Variants in DLGAP4 observed in about 807,000 individuals in gnomAD.
DLGAP4 encodes the protein DLG associated protein 4.
In DLGAP4, 18 loss-of-function variants were observed where a neutral mutation model predicts 86.9. The ratio of observed to expected loss-of-function variants is 0.21; its 90% CI spans 0.14 to 0.31. The LOEUF is 0.31. Ranked by LOEUF, DLGAP4 falls within the 10% of genes least tolerant of loss-of-function variation. The pLI is 1.00. For synonymous variants in DLGAP4, 548 were observed against 574.3 expected (o/e 0.95, Z 0.65); for missense variants, 1,085 against 1,362.6 (o/e 0.80, Z 3.21).
intron 7 of DLGAP4, among the ~76,000 whole-genome samples, chr20:36,457,752 T>G (rs955865857): frequency 6.6e-6 from 1 of 151,778 alleles, no homozygotes; most frequent in Non-Finnish European, 1.5e-5. Context: ...CCTGACCTCA[T>G]GATCCGCACA....
intron 1 of DLGAP4, among the ~76,000 whole-genome samples, chr20:36,355,687 T>C (rs1188001203): frequency 1.3e-5 from 2 of 152,260 alleles, no homozygotes; most frequent in African/African-American, 4.8e-5. Flanking sequence ...TTATGGACAT[T>C]CCACATTTTG....
chr20:36,453,415 C>A (rs1314801904), intron 7 of DLGAP4, among the ~76,000 whole-genome samples: 1 of 152,022 alleles, frequency 6.6e-6, no homozygotes, highest in Non-Finnish European at 1.5e-5. Context: ...TTTGGGAGAC[C>A]AAGGTGGGAG....
chr20:36,410,901 C>G (rs553690795), intron 2 of DLGAP4, among the ~76,000 whole-genome samples: 12 of 152,324 alleles, frequency 7.9e-5, no homozygotes, highest in Admixed American at 1.3e-4. Flanking sequence ...GGTTGTGCAG[C>G]CTTCATTGGC....
Position 36,528,126 on chromosome 20 carries a change from G to C in DLGAP4, c.*1095G>C, listed in dbSNP as rs1020242345. 1 of 151,860 alleles carries C rather than the reference G, an allele frequency of 6.6e-6. No individual in the cohort carries two copies. The highest frequency in any genetic ancestry group is 1.5e-5 in the Non-Finnish European group (1 of 67,900). 9.4% of individuals were successfully genotyped at this position (151,860 alleles called of 1,614,324 possible). A position where few individuals can be genotyped will look rare whatever the true frequency, so the allele number is the denominator to read the frequency against. On this transcript the variant is annotated 3_prime_UTR_variant, in exon 13 of 13. Transcript: ENST00000339266. Reference sequence around the variant, plus strand: ...GTGTGTAAAAATATATACCTTGTGTGTAAGCAGCCCTTTTTTTTTTTGGTC... The same window carrying C: ...GTGTGTAAAAATATATACCTTGTGTCTAAGCAGCCCTTTTTTTTTTTGGTC...
intron 7 of DLGAP4, among the ~76,000 whole-genome samples, chr20:36,476,773 T>C (rs1448096633): frequency 7.5e-6 from 1 of 133,182 alleles, no homozygotes; most frequent in Non-Finnish European, 1.6e-5. Context: ...AATGGCACAA[T>C]CTTGGCTCAC....
chr20:36,330,555 G>T (rs1320612755), intron 1 of DLGAP4, among the ~76,000 whole-genome samples: 7 of 118,870 alleles, frequency 5.9e-5, no homozygotes, highest in Admixed American at 4.6e-4. Context: ...AGTGACTTTT[G>T]GGATTTTTTT....
At position 36,377,824 on chromosome 20, in the gene DLGAP4, C is replaced by G. The variant is rs544572917; in HGVS notation, c.-73+10549C>G. 5.9e-5 allele frequency among the ~76,000 whole-genome samples: 9 copies of G among 152,334 alleles called. No individual in the cohort carries two copies. The East Asian group carries it at 1.7e-3, about 29-fold the overall frequency. On this transcript the variant is annotated intron_variant, in intron 2 of 12. Transcript: ENST00000339266. ...AAAACTCTCCCCGCGTTCCTCCAAC[C>G]ACACGGGCTGACATTTCCAGACAGA...
chr20:36,468,988 G>C (rs551657986), intron 7 of DLGAP4, among the ~76,000 whole-genome samples: 3 of 152,094 alleles, frequency 2.0e-5, no homozygotes, highest in African/African-American at 7.2e-5. Flanking sequence ...TATTTGTTTA[G>C]TTTGTTTTGA....
chr20:36,468,488 C>T (rs996282434), intron 7 of DLGAP4, among the ~76,000 whole-genome samples: 4 of 152,266 alleles, frequency 2.6e-5, no homozygotes, highest in African/African-American at 9.6e-5. Context: ...TCCCAGTGTA[C>T]AGCCAGGAAA....
intron 7 of DLGAP4, among the ~76,000 whole-genome samples, chr20:36,451,306 G>A (rs534659823): frequency 6.6e-6 from 1 of 152,176 alleles, no homozygotes; most frequent in Non-Finnish European, 1.5e-5. Flanking sequence ...TAAGCTTTCT[G>A]TAGGCCCTTT....
At chr20:36,430,686 G>A (rs1170810662) in intron 2 of DLGAP4, among the ~76,000 whole-genome samples, 1 of 150,746 alleles carries the variant, frequency 6.6e-6, no homozygotes, top group Non-Finnish European at 1.5e-5. Context: ...CAGGCATGGT[G>A]GCTCATGCCT....
rs2035493809 is a variant in DLGAP4, at chr20:36,488,062, T to C, written c.1649-8643T>C. On this transcript the variant is annotated intron_variant, in intron 7 of 12. Coordinates refer to ENST00000339266, the MANE Select transcript of DLGAP4 (RefSeq NM_001365621.2). Reference sequence around the variant, plus strand: ...TAAAAATACAAAAATTAGCCGGGCATGGTGGCGCGCGCCTATAATCCCAGC... The same window carrying C: ...TAAAAATACAAAAATTAGCCGGGCACGGTGGCGCGCGCCTATAATCCCAGC... Among the ~76,000 whole-genome samples the C allele has an allele frequency of 2.0e-5, 3 of 151,888 alleles. No individual in the cohort carries two copies. In the South Asian group the frequency reaches 6.2e-4, roughly 32 times the overall value.
chr20:36,353,214 C>T (rs574500875), intron 1 of DLGAP4, among the ~76,000 whole-genome samples: 43 of 152,276 alleles, frequency 2.8e-4, no homozygotes, highest in African/African-American at 1.0e-3. Context: ...GCCTGCAGAG[C>T]GGCTTTCCTG....
chr20:36,369,797 G>A (rs772721303), intron 2 of DLGAP4, among the ~76,000 whole-genome samples: 5 of 151,936 alleles, frequency 3.3e-5, no homozygotes, highest in East Asian at 3.8e-4. Context: ...ACAGTAAAAC[G>A]GCTAAAAAAC....
intron 1 of DLGAP4, among the ~76,000 whole-genome samples, chr20:36,321,983 T>C (rs921469436): frequency 1.5e-4 from 23 of 152,128 alleles, no homozygotes; most frequent in African/African-American, 5.3e-4. Context: ...GACCCTGTGG[T>C]GGGCAGAGGG....
chr20:36,435,859 G>A (rs1569498436), intron 3 of DLGAP4, among the ~76,000 whole-genome samples: 1 of 152,284 alleles, frequency 6.6e-6, no homozygotes, highest in East Asian at 1.9e-4. Context: ...CAGGGCCTAG[G>A]GCATTGCTTC....
chr20:36,499,350 T>TTCCCC, intron 8 of DLGAP4: 1 of 1,544,988 alleles, frequency 6.5e-7, no homozygotes, highest in Non-Finnish European at 8.8e-7. Flanking sequence ...CTCCACCCCA[T>TTCCCC]CCCACCTCCC....
intron 7 of DLGAP4, among the ~76,000 whole-genome samples, chr20:36,458,569 C>T (rs1446385878): frequency 6.6e-6 from 1 of 151,566 alleles, no homozygotes; most frequent in Non-Finnish European, 1.5e-5. Context: ...TGTGATGGCA[C>T]AGATCTGTAA....
chr20:36,496,756 G>A lies in DLGAP4; in HGVS notation c.1700G>A (p.Arg567His), dbSNP rs776744812. The change falls in exon 8 of 13, where the codon CGC (arginine) becomes CAC (histidine). Residue 567 changes from arginine (R) to histidine (H), a missense_variant. By Grantham distance (29) the Arg-to-His change is conservative. This residue lies in a region of DLGAP4 where 1,082 missense variants were observed against 1,344.1 expected (regional missense o/e 0.81). Transcript: ENST00000339266. Reference protein sequence around the residue: ...YKKTPPPVPPRTTSKPFISVT... With the variant: ...YKKTPPPVPPHTTSKPFISVT... ...AAGACCCCGCCACCGGTCCCTCCAC[G>A]CACCACTTCAAAGCCGTTCATCTCA... 13 of 1,613,086 alleles carry A rather than the reference G, an allele frequency of 8.1e-6. No individual in the cohort carries two copies. Among genetic ancestry groups the A allele is most frequent in the South Asian group, 2.2e-5 (2 of 91,086 alleles).
Sources: gnomAD v4.1 joint callset for allele counts (sites outside exome capture counted in the v4.1 genomes callset) on GRCh38, gnomAD v4.1.1 for gene constraint, gnomAD v4.1.1 regional missense constraint, MANE v1.5 for transcripts, NCBI Gene and HGNC (gene_info 2026-07-23, HGNC 2026-07-21) for gene names.